The following CLASRP variants were observed in gnomAD, a reference collection of about 807,000 sequenced individuals.
CLASRP encodes CLK4-associating serine/arginine rich protein.
CLASRP carries 52 observed loss-of-function variants against 99.9 expected under a neutral mutation model. That is an observed-to-expected ratio of 0.52 (90% CI 0.42 to 0.66). CLASRP has a LOEUF of 0.66. CLASRP is among the 30% of genes least tolerant of loss of function. CLASRP has a pLI of 0.00. For synonymous variants in CLASRP, 379 were observed against 373.0 expected (o/e 1.02, Z -0.18); for missense variants, 848 against 999.2 (o/e 0.85, Z 2.04).
chr19:45,067,869 G>T lies in CLASRP; in HGVS notation c.1668-146G>T, dbSNP rs1172466202. 2.9e-6 allele frequency: 2 copies of T among 694,056 alleles called. No homozygotes were observed. Among genetic ancestry groups the T allele is most frequent in the Admixed American group, 2.3e-5 (1 of 43,864 alleles). The allele number at this position is 694,056 out of a possible 1,614,324, so 43.0% of individuals were successfully genotyped here. On this transcript the variant is annotated intron_variant, in intron 14 of 20. Coordinates refer to ENST00000221455, the MANE Select transcript of CLASRP (RefSeq NM_007056.3). The surrounding 1 kb of genome is among the most constrained non-coding windows in gnomAD (Gnocchi z 4.9). ...GTCCCTGTCTTACAGGTTCTGTGGG[G>T]TCTGAGAGGGACATGGTTGCACCCT... is the stretch of plus-strand genomic sequence containing the variant.
At chr19:45,039,302 C>A (rs906925907) in intron 1 of CLASRP, among the ~76,000 whole-genome samples, 194 bp downstream of exon 1, 10 of 152,030 alleles carry the variant, frequency 6.6e-5, no homozygotes, top group African/African-American at 2.4e-4. Flanking sequence ...CAGAAGTTGC[C>A]GCGTCGAACT....
chr19:45,042,139 T>A (rs1029865537), intron 2 of CLASRP, among the ~76,000 whole-genome samples: 1 of 152,304 alleles, frequency 6.6e-6, no homozygotes, highest in Middle Eastern at 3.4e-3. Context: ...GTCAAGAGTT[T>A]GAGACCAGCC....
At chr19:45,053,208 G>A (rs1272553931) in intron 5 of CLASRP, 31 bp downstream of exon 5, 1 of 1,610,968 alleles carries the variant, frequency 6.2e-7, no homozygotes, top group African/African-American at 1.3e-5. Flanking sequence ...CGTGGGGTGT[G>A]GGGTTTGAGC....
At chr19:45,068,142 G>A (rs1967136379) in intron 15 of CLASRP, 88 bp downstream of exon 15, 1 of 1,254,784 alleles carries the variant, frequency 8.0e-7, no homozygotes. Flanking sequence ...GGGGGGCCCG[G>A]GTGGGCTGGG....
intron 5 of CLASRP, among the ~76,000 whole-genome samples, chr19:45,055,587 C>T (rs1972105674): frequency 6.6e-6 from 1 of 152,244 alleles, no homozygotes; most frequent in African/African-American, 2.4e-5. Context: ...ATAATCTCAG[C>T]ACTTTGGGAG....
rs775995675 is a variant in CLASRP at position 45,064,610 on chromosome 19, C to T, written c.1389C>T (p.Tyr463=). ...YSRSPARRGG[Y]GPRRRSRSRS... The stretch of plus-strand genomic sequence containing the variant: ...GCTCGCCCGCCCGGCGTGGTGGTTA[C>T]GGGCCCCGGCGCAGAAGCAGGTGTG... The change falls in exon 13 of 21, where the codon TAC becomes TAT. Residue 463 remains tyrosine (Y), a synonymous_variant. Transcript: ENST00000221455. 27 of 1,550,574 alleles carry T rather than the reference C, an allele frequency of 1.7e-5. No homozygotes were observed. Among genetic ancestry groups the T allele is most frequent in the East Asian group, 2.4e-5 (1 of 42,194 alleles).
At chr19:45,042,471 G>T (rs2122524177) in intron 2 of CLASRP, among the ~76,000 whole-genome samples, 1 of 151,602 alleles carries the variant, frequency 6.6e-6, no homozygotes, top group East Asian at 1.9e-4. Context: ...TTGCTCTCCA[G>T]CCTGGGCAAC....
chr19:45,064,997 G>A (rs1394666778), intron 13 of CLASRP, among the ~76,000 whole-genome samples: 1 of 152,024 alleles, frequency 6.6e-6, no homozygotes, highest in Admixed American at 6.6e-5. Context: ...TTGAAGGGAC[G>A]GGTCCGGGCC....
intron 7 of CLASRP, among the ~76,000 whole-genome samples, chr19:45,058,838 C>G (rs1032689076): frequency 6.6e-6 from 1 of 151,948 alleles, no homozygotes; most frequent in Non-Finnish European, 1.5e-5. Flanking sequence ...ATCTTTCCGC[C>G]CCTGTTCAGT....
chr19:45,040,003 C>T, intron 1 of CLASRP, 181 bp from the exon 2 acceptor site: 1 of 453,920 alleles, frequency 2.2e-6, no homozygotes, highest in South Asian at 2.7e-5. Flanking sequence ...GCTTCTAGAT[C>T]GAAGTTGTTA....
Position 45,060,010 on chromosome 19 carries a change from C to G in CLASRP, c.711-379C>G, listed in dbSNP as rs989189442. Among the ~76,000 whole-genome samples the G allele has an allele frequency of 3.9e-5, 6 of 152,200 alleles. No individual in the cohort carries two copies. Among genetic ancestry groups the G allele is most frequent in the Non-Finnish European group, 5.9e-5 (4 of 68,040 alleles). ...TGCTGTTCGCTTTGGACGTCTGCAGCTTGCTCCCCCAGGTTTTTCTCTAGA... is the reference window on the plus strand; with the variant it reads ...TGCTGTTCGCTTTGGACGTCTGCAGGTTGCTCCCCCAGGTTTTTCTCTAGA... On this transcript the variant is annotated intron_variant, in intron 8 of 20. Transcript: ENST00000221455. This position sits in a 1 kb window ranked among gnomAD's most constrained non-coding sequence, Gnocchi z 4.6.
intron 13 of CLASRP, among the ~76,000 whole-genome samples, chr19:45,066,036 G>A (rs1287972445): frequency 2.6e-5 from 4 of 152,172 alleles, no homozygotes; most frequent in Admixed American, 2.0e-4. Flanking sequence ...GGCGTTGACC[G>A]CTCAGCAGCA....
At chr19:45,057,920 C>T in intron 7 of CLASRP, 22 bp downstream of exon 7, 1 of 1,612,940 alleles carries the variant, frequency 6.2e-7, no homozygotes, top group African/African-American at 1.3e-5. Context: ...TCTCTGCCCT[C>T]CCCACCTGCA....
intron 7 of CLASRP, chr19:45,058,207 TC>T (rs1237220837): frequency 2.7e-6 from 1 of 372,852 alleles, no homozygotes; most frequent in South Asian, 3.3e-5. Flanking sequence ...CCTGCTCTCT[TC>T]CCTCCTCTGG....
Position 45,039,083 on chromosome 19 carries a change from C to T in CLASRP, c.-55C>T, listed in dbSNP as rs1169746789. 1 of 152,204 alleles carries T rather than the reference C, an allele frequency of 6.6e-6. No homozygotes were observed. The highest frequency in any genetic ancestry group is 2.4e-5 in the African/African-American group (1 of 41,452). 9.4% of individuals were successfully genotyped at this position (152,204 alleles called of 1,614,324 possible). The stretch of plus-strand genomic sequence containing the variant: ...TTCCGGTGCGGGCCGCGCGCGAGCG[C>T]AGCGGTGGGAGGCGGCGACCAGCCG... On this transcript the variant is annotated 5_prime_UTR_variant, in exon 1 of 21. Transcript: ENST00000221455.
At chr19:45,068,397 C>A in intron 15 of CLASRP, 23 bp from the exon 16 acceptor site, 1 of 1,493,978 alleles carries the variant, frequency 6.7e-7, no homozygotes, top group Non-Finnish European at 9.3e-7. Flanking sequence ...CCCCCTCTCC[C>A]GCCTCTTCTC....
At chr19:45,066,913 T>C (rs1355394995) in intron 13 of CLASRP, among the ~76,000 whole-genome samples, 1 of 152,070 alleles carries the variant, frequency 6.6e-6, no homozygotes, top group African/African-American at 2.4e-5. Flanking sequence ...CCCACTATTG[T>C]CGAGACCCTG....
intron 18 of CLASRP, chr19:45,069,634 A>T (rs890890715): frequency 6.3e-5 from 28 of 445,072 alleles, no homozygotes; most frequent in Non-Finnish European, 3.7e-5. Context: ...CCCACCTCAC[A>T]GGCTGTTGGG....
Position 45,067,933 on chromosome 19 carries a change from G to A in CLASRP, c.1668-82G>A, listed in dbSNP as rs1228573908. 3 of 1,048,986 alleles carry A rather than the reference G, an allele frequency of 2.9e-6. No individual in the cohort carries two copies. Among genetic ancestry groups the A allele is most frequent in the Non-Finnish European group, 4.5e-6 (3 of 666,486 alleles). 65.0% of individuals were successfully genotyped at this position (1,048,986 alleles called of 1,614,324 possible). On this transcript the variant is annotated intron_variant, in intron 14 of 20. Transcript: ENST00000221455. The surrounding 1 kb of genome is among the most constrained non-coding windows in gnomAD (Gnocchi z 4.9). The stretch of plus-strand genomic sequence containing the variant: ...CCCATGCCTTGGCTACCTGGTCTGA[G>A]GGCAGTGCTGAGGCTGGGGTCAGAG...
Sources: gnomAD v4.1 joint callset for allele counts (sites outside exome capture counted in the v4.1 genomes callset) on GRCh38, gnomAD v4.1.1 for gene constraint, Gnocchi (gnomAD v3.1) non-coding constraint, MANE v1.5 for transcripts, NCBI Gene and HGNC (gene_info 2026-07-23, HGNC 2026-07-21) for gene names.